Variants in TBCD observed in about 807,000 individuals in gnomAD.
TBCD encodes tubulin-specific chaperone D.
Under a neutral mutation model 169.3 loss-of-function variants are expected in TBCD, and 105 were observed. The observed-to-expected ratio is 0.62, with a 90% confidence interval of 0.53 to 0.73. The LOEUF is 0.73. Ranked by LOEUF, TBCD falls within the 30% of genes least tolerant of loss-of-function variation. The pLI is 0.00. For synonymous variants in TBCD, 700 were observed against 643.9 expected (o/e 1.09, Z -1.32); for missense variants, 1,444 against 1,600.1 (o/e 0.90, Z 1.66).
intron 37 of TBCD, among the ~76,000 whole-genome samples, chr17:82,940,656 C>T (rs1296871982): frequency 6.6e-6 from 1 of 152,080 alleles, no homozygotes; most frequent in Admixed American, 6.6e-5. Context: ...ACACGTGGTC[C>T]CAGGAGAGGA....
At chr17:82,779,218 C>G (rs1351990685) in intron 6 of TBCD, among the ~76,000 whole-genome samples, 1 of 151,500 alleles carries the variant, frequency 6.6e-6, no homozygotes, top group East Asian at 2.0e-4. Flanking sequence ...GCAAGACAGG[C>G]TGTTCTCGAA....
intron 2 of TBCD, among the ~76,000 whole-genome samples, chr17:82,763,070 G>A (rs567152703): frequency 2.0e-5 from 3 of 152,308 alleles, no homozygotes; most frequent in South Asian, 4.1e-4. Context: ...TGTCACGTAA[G>A]TAAGGTGGGT....
chr17:82,935,073 A>AAATT (rs112454895), intron 34 of TBCD, among the ~76,000 whole-genome samples: 21 of 151,198 alleles, frequency 1.4e-4, no homozygotes, highest in East Asian at 6.0e-4. Context: ...CAAAAAAAAA[A>AAATT]TTTTTTTTCC....
intron 17 of TBCD, chr17:82,900,450 G>T: frequency 1.8e-6 from 1 of 546,388 alleles, no homozygotes; most frequent in Non-Finnish European, 3.3e-6. Context: ...ATGAAGCTGT[G>T]TGCACGTTTG....
At chr17:82,907,395 C>T (rs375964424) in intron 20 of TBCD, among the ~76,000 whole-genome samples, 1 of 152,314 alleles carries the variant, frequency 6.6e-6, no homozygotes, top group South Asian at 2.1e-4. Flanking sequence ...TCTAAAATCA[C>T]AAATGGGCCA....
chr17:82,822,018 G>C (rs905757049), intron 13 of TBCD, among the ~76,000 whole-genome samples: 1 of 152,220 alleles, frequency 6.6e-6, no homozygotes, highest in African/African-American at 2.4e-5. Flanking sequence ...CGTACAAGCA[G>C]CGTCTTACGA....
rs1044435253 is a variant in TBCD, at chr17:82,864,824, C to T, written c.1319-5400C>T. On this transcript the variant is annotated intron_variant, in intron 13 of 38. Transcript: ENST00000355528. The surrounding 1 kb of genome is among the most constrained non-coding windows in gnomAD (Gnocchi z 6.3). ...GCTGGGATCACCACTCCCCGGGGCA[C>T]CGTGGGGACAGCGGGGGCCTGCTCA... 2.2e-4 allele frequency among the ~76,000 whole-genome samples: 25 copies of T among 114,404 alleles called. No individual in the cohort carries two copies. The highest frequency in any genetic ancestry group is 4.6e-4 in the Non-Finnish European group (23 of 50,232). The allele number at this position is 114,404 out of a possible 152,430, so 75.1% of individuals were successfully genotyped here.
At chr17:82,758,530 G>C (rs1368915796) in intron 2 of TBCD, among the ~76,000 whole-genome samples, 1 of 149,992 alleles carries the variant, frequency 6.7e-6, no homozygotes, top group African/African-American at 2.4e-5. Context: ...GATTTCAGGT[G>C]TGAGCCAGCG....
intron 2 of TBCD, among the ~76,000 whole-genome samples, chr17:82,763,402 G>A (rs1276404140): frequency 2.0e-5 from 3 of 152,100 alleles, no homozygotes; most frequent in Non-Finnish European, 4.4e-5. Flanking sequence ...TTTTGCTTAC[G>A]TTTAACCTAG....
Position 82,942,621 on chromosome 17 carries a change from C to T in TBCD, c.*158C>T. ...ACTAGCTGACAGCTTTTCCTCTCTG[C>T]ACCTGCGCTCTGGTGACTTGGGGTG... is the stretch of plus-strand genomic sequence containing the variant. On this transcript the variant is annotated 3_prime_UTR_variant, in exon 39 of 39. Coordinates refer to ENST00000355528, the MANE Select transcript of TBCD (RefSeq NM_005993.5). The T allele has an allele frequency of 3.3e-6, 3 of 897,954 alleles. No homozygotes were observed. The highest frequency in any genetic ancestry group is 3.0e-5 in the South Asian group (2 of 67,148). The allele number at this position is 897,954 out of a possible 1,614,324, so 55.6% of individuals were successfully genotyped here. A position where few individuals can be genotyped will look rare whatever the true frequency, so the allele number is the denominator to read the frequency against.
In TBCD at chr17:82,903,478, G is replaced by A; in HGVS notation, c.1804G>A (p.Val602Ile). The change falls in exon 19 of 39, where the codon GTC becomes ATC. Residue 602 changes from valine to isoleucine, a missense_variant and splice_region_variant. Val to Ile is a conservative substitution (Grantham distance 29, BLOSUM62 3). Transcript: ENST00000355528. This position sits in a 1 kb window ranked among gnomAD's most constrained non-coding sequence, Gnocchi z 4.8. ...GGCACCCGAGTTCAGCGCCACGCAA[G>A]GTGGGTGTGTGTCCCGGCCGGCCTG... Reference protein sequence around the residue: ...QQAPEFSATQVFPRLLSMTLS... With the variant: ...QQAPEFSATQIFPRLLSMTLS... 1.3e-6 allele frequency: 2 copies of A among 1,592,934 alleles called. No individual in the cohort carries two copies. The highest frequency in any genetic ancestry group is 1.7e-6 in the Non-Finnish European group (2 of 1,169,772).
chr17:82,908,188 G>A (rs777447672), intron 21 of TBCD: 15 of 392,340 alleles, frequency 3.8e-5, no homozygotes, highest in East Asian at 2.1e-4. Flanking sequence ...GCGCGGCTGC[G>A]GTCCCACGAT....
intron 15 of TBCD, among the ~76,000 whole-genome samples, chr17:82,887,426 T>C (rs1418205864): frequency 6.6e-6 from 1 of 152,130 alleles, no homozygotes; most frequent in African/African-American, 2.4e-5. Context: ...TGCTGTAGCT[T>C]TCTTCTCTCG....
intron 7 of TBCD, among the ~76,000 whole-genome samples, chr17:82,791,084 C>A (rs1484480828): frequency 7.4e-6 from 1 of 135,402 alleles, no homozygotes. Context: ...AATTGTGTCT[C>A]TTGCATCTTT....
rs576811610 is a variant in TBCD at position 82,930,091 on chromosome 17, C to T, written c.2992-431C>T. Reference sequence around the variant, plus strand: ...GCCGTGTGGGCGCGTGCGGGGAGACCCGGGCCCCAGGACGTGAGGTGCCCT... The same window carrying T: ...GCCGTGTGGGCGCGTGCGGGGAGACTCGGGCCCCAGGACGTGAGGTGCCCT... On this transcript the variant is annotated intron_variant, in intron 32 of 38. Coordinates refer to ENST00000355528, the MANE Select transcript of TBCD (RefSeq NM_005993.5). This position sits in a 1 kb window ranked among gnomAD's most constrained non-coding sequence, Gnocchi z 5.2. 23 of 251,344 alleles carry T rather than the reference C, an allele frequency of 9.2e-5. No individual in the cohort carries two copies. In the East Asian group the frequency reaches 2.4e-3, roughly 26 times the overall value. The allele number at this position is 251,344 out of a possible 1,614,324, so 15.6% of individuals were successfully genotyped here.
chr17:82,887,164 T>TGTGCGC (rs1338409731), intron 15 of TBCD, among the ~76,000 whole-genome samples: 1 of 104,458 alleles, frequency 9.6e-6, no homozygotes, highest in Admixed American at 8.9e-5. Flanking sequence ...TGTGTGTGTG[T>TGTGCGC]GTGTGCGCGC....
In TBCD at chr17:82,930,228, GT is replaced by G. The variant is rs2062086248; in HGVS notation, c.2992-293del. The G allele has an allele frequency of 2.4e-6, 1 of 423,220 alleles. No individual in the cohort carries two copies. Among genetic ancestry groups the G allele is most frequent in the African/African-American group, 2.0e-5 (1 of 48,894 alleles). The allele number at this position is 423,220 out of a possible 1,614,324, so 26.2% of individuals were successfully genotyped here. ...ATCAAATCCCGCTTCAGTGGGAAAC[GT>G]GAGCGAAACCCAAGGTGAGTGGCCG... On this transcript the variant is annotated intron_variant, in intron 32 of 38. Coordinates refer to ENST00000355528, the MANE Select transcript of TBCD (RefSeq NM_005993.5). This position sits in a 1 kb window ranked among gnomAD's most constrained non-coding sequence, Gnocchi z 5.2.
chr17:82,882,800 C>A (rs752434718), intron 14 of TBCD, among the ~76,000 whole-genome samples: 43 of 152,306 alleles, frequency 2.8e-4, no homozygotes, highest in South Asian at 6.2e-4. Context: ...TCTGGGGCGA[C>A]AGACAGTGCG....
intron 13 of TBCD, among the ~76,000 whole-genome samples, chr17:82,816,603 T>C (rs1432133694): frequency 6.6e-6 from 1 of 151,942 alleles, no homozygotes; most frequent in Non-Finnish European, 1.5e-5. Flanking sequence ...ATGCAATCTC[T>C]GCTCACTGTA....
Sources: gnomAD v4.1 joint callset for allele counts (sites outside exome capture counted in the v4.1 genomes callset) on GRCh38, gnomAD v4.1.1 for gene constraint, Gnocchi (gnomAD v3.1) non-coding constraint, MANE v1.5 for transcripts, NCBI Gene and HGNC (gene_info 2026-07-23, HGNC 2026-07-21) for gene names.